The following SHANK2 variants were observed in gnomAD, a reference collection of about 807,000 sequenced individuals.
The protein encoded by SHANK2 is SH3 and multiple ankyrin repeat domains protein 2.
SHANK2 carries 43 observed loss-of-function variants against 133.7 expected under a neutral mutation model. The ratio of observed to expected loss-of-function variants is 0.32; its 90% CI spans 0.25 to 0.41. The LOEUF (loss-of-function observed/expected upper bound fraction) is 0.41. SHANK2 is among the 10% of genes least tolerant of loss of function. The probability of loss-of-function intolerance (pLI) is 1.00; values close to 1 mark genes in which losing one functional copy is unlikely to be tolerated. For synonymous variants in SHANK2, 1,017 were observed against 952.8 expected, an observed-to-expected ratio of 1.07 and a Z score of -1.24; for missense variants, 1,994 against 2,235.8, an observed-to-expected ratio of 0.89 and a Z score of 2.18.
intron 2 of SHANK2, among the ~76,000 whole-genome samples, chr11:71,182,673 AT>A (rs1953582857): frequency 6.6e-6 from 1 of 152,166 alleles, no homozygotes; most frequent in Non-Finnish European, 1.5e-5. Flanking sequence ...CAACTTGATC[AT>A]CTGCAAAGTC....
chr11:71,128,687 C>A (rs1169124106), intron 3 of SHANK2, among the ~76,000 whole-genome samples: 1 of 152,214 alleles, frequency 6.6e-6, no homozygotes, highest in Non-Finnish European at 1.5e-5. Flanking sequence ...GTCCCTCCTA[C>A]TCCTCCCCAT....
intron 8 of SHANK2, among the ~76,000 whole-genome samples, chr11:71,086,378 TTATAATATATG>T: frequency 7.7e-6 from 1 of 129,284 alleles, no homozygotes; most frequent in South Asian, 2.3e-4. Context: ...TGATATACAT[TTATAATATATG>T]ATATATGATA....
Position 70,715,485 on chromosome 11 carries a change from G to T in SHANK2, c.1778-16722C>A, listed in dbSNP as rs1013688208. ...GGCTGGGGACACCGTAGGAGGGGAG[G>T]CTACACTCAGTCTCTGGTGATGCTT... On this transcript the variant is annotated intron_variant, in intron 14 of 25. Transcript: ENST00000601538. 3.3e-4 allele frequency among the ~76,000 whole-genome samples: 50 copies of T among 152,168 alleles called. 1 individual carries two copies. The highest frequency in any genetic ancestry group is 3.3e-3 in the Admixed American group (50 of 15,286).
intron 21 of SHANK2, among the ~76,000 whole-genome samples, chr11:70,494,546 G>A (rs2135778791): frequency 6.6e-6 from 1 of 152,122 alleles, no homozygotes; most frequent in East Asian, 1.9e-4. Flanking sequence ...TGCCCGCCTT[G>A]GCCTCCCAAA....
intron 17 of SHANK2, among the ~76,000 whole-genome samples, chr11:70,505,504 C>T (rs2059123237): frequency 6.6e-6 from 1 of 152,042 alleles, no homozygotes; most frequent in Non-Finnish European, 1.5e-5. Flanking sequence ...CAGGGGTCAT[C>T]CCTTGCAAGG....
At chr11:70,616,090 C>T (rs1554995837) in intron 17 of SHANK2, among the ~76,000 whole-genome samples, 1 of 152,188 alleles carries the variant, frequency 6.6e-6, no homozygotes, top group Admixed American at 6.5e-5. Context: ...CGTTAGGATG[C>T]CCTTCCCTGC....
chr11:71,100,013 C>T (rs1423493867), intron 6 of SHANK2, among the ~76,000 whole-genome samples: 1 of 149,852 alleles, frequency 6.7e-6, no homozygotes, highest in Non-Finnish European at 1.5e-5. Context: ...CACACCACTG[C>T]ACTCCAGCCT....
chr11:71,207,261 C>CCT (rs547937465), intron 2 of SHANK2, among the ~76,000 whole-genome samples: 14 of 146,964 alleles, frequency 9.5e-5, no homozygotes, highest in Non-Finnish European at 1.6e-4. Context: ...CTCACTACAA[C>CCT]CTCTGCCTCC....
chr11:70,857,355 C>T (rs1383208226), intron 11 of SHANK2, among the ~76,000 whole-genome samples: 7 of 152,212 alleles, frequency 4.6e-5, no homozygotes, highest in African/African-American at 1.7e-4. Flanking sequence ...CGGTGACCCG[C>T]TTTTCAAACA....
intron 14 of SHANK2, among the ~76,000 whole-genome samples, chr11:70,738,780 C>G (rs1555034130): frequency 6.6e-6 from 1 of 152,250 alleles, no homozygotes; most frequent in Non-Finnish European, 1.5e-5. Context: ...AGCCGCCCGC[C>G]TCTTTGGAGG....
intron 2 of SHANK2, among the ~76,000 whole-genome samples, chr11:71,212,189 C>G (rs568581090): frequency 6.6e-6 from 1 of 152,178 alleles, no homozygotes; most frequent in African/African-American, 2.4e-5. Context: ...AGATTAAAAA[C>G]CGGATGTTAA....
chr11:71,167,920 G>C (rs1284193599), intron 2 of SHANK2, among the ~76,000 whole-genome samples: 2 of 147,790 alleles, frequency 1.4e-5, no homozygotes, highest in Non-Finnish European at 3.0e-5. Flanking sequence ...TCCGGGCGGG[G>C]GGCTGACCCC....
intron 3 of SHANK2, among the ~76,000 whole-genome samples, chr11:71,143,843 A>G (rs1268722775): frequency 1.3e-5 from 2 of 152,042 alleles, no homozygotes; most frequent in Non-Finnish European, 2.9e-5. Context: ...CGAACACTGC[A>G]CTTCCTCTGG....
At chr11:70,883,798 C>T (rs982473131) in intron 11 of SHANK2, among the ~76,000 whole-genome samples, 1 of 152,126 alleles carries the variant, frequency 6.6e-6, no homozygotes. Flanking sequence ...GAAAGCCAGG[C>T]AGGGCTGGGG....
chr11:70,928,131 T>G (rs1555081940), intron 10 of SHANK2, among the ~76,000 whole-genome samples: 1 of 152,184 alleles, frequency 6.6e-6, no homozygotes, highest in East Asian at 1.9e-4. Flanking sequence ...TAGAGAACCC[T>G]GGCTAATACA....
At chr11:70,826,364 G>A (rs1948639886) in intron 11 of SHANK2, 1 of 447,100 alleles carries the variant, frequency 2.2e-6, no homozygotes, top group African/African-American at 2.0e-5. Flanking sequence ...ATTAACAACT[G>A]GCAATTTTAG....
intron 11 of SHANK2, among the ~76,000 whole-genome samples, chr11:70,881,745 T>TA (rs1949664180): frequency 6.6e-6 from 1 of 151,362 alleles, no homozygotes; most frequent in Admixed American, 6.6e-5. Flanking sequence ...TATTTTTTTT[T>TA]AAGAGACCAG....
At chr11:70,802,016 C>T (rs782004367) in intron 13 of SHANK2, among the ~76,000 whole-genome samples, 8 of 152,004 alleles carry the variant, frequency 5.3e-5, no homozygotes, top group East Asian at 1.9e-4. Context: ...GGGGGTGCGG[C>T]GAGACTTGGG....
chr11:70,867,957 T>C (rs1555069400), intron 11 of SHANK2, among the ~76,000 whole-genome samples: 1 of 152,230 alleles, frequency 6.6e-6, no homozygotes, highest in Non-Finnish European at 1.5e-5. Flanking sequence ...TCACTGACTG[T>C]GCCTCCCTCT....
Sources: allele counts gnomAD v4.1 joint callset (sites outside exome capture counted in the v4.1 genomes callset), GRCh38; gene constraint gnomAD v4.1.1; transcripts MANE v1.5; gene names NCBI Gene and HGNC (gene_info 2026-07-23, HGNC 2026-07-21).